SUCLG2: variants seen among roughly 807,000 people sequenced by gnomAD.
SUCLG2 encodes succinate-CoA ligase GDP-forming subunit beta.
A neutral mutation model predicts 47.9 loss-of-function variants in SUCLG2; 42 were observed. The ratio of observed to expected loss-of-function variants is 0.88; its 90% CI spans 0.69 to 1.14. The LOEUF (loss-of-function observed/expected upper bound fraction) is 1.14, where lower values mean the gene tolerates loss of function less well. SUCLG2 is among the 50% of genes most tolerant of loss of function. SUCLG2 has a pLI of 0.00. For missense variants in SUCLG2, 571 were observed against 525.9 expected (o/e 1.09, Z -0.84); for synonymous variants, 195 against 197.3 (o/e 0.99, Z 0.10).
Position 67,512,534 on chromosome 3 carries a change from G to C in SUCLG2, c.661-3631C>G, listed in dbSNP as rs979091140. Among the ~76,000 whole-genome samples the C allele has an allele frequency of 9.4e-5, 14 of 149,704 alleles. 1 individual carries two copies. The highest frequency in any genetic ancestry group is 3.3e-4 in the African/African-American group (13 of 39,690). ...TAAAGATTAATTCAGTTCTAAGTGG[G>C]GACTACATAATAGAAATAACTTCTG... On this transcript the variant is annotated intron_variant, in intron 6 of 10. Transcript: ENST00000307227.
intron 4 of SUCLG2, among the ~76,000 whole-genome samples, chr3:67,520,918 G>A (rs61586430): frequency 0.034 from 5,196 of 152,164 alleles, 288 homozygotes; most frequent in African/African-American, 0.11. Flanking sequence ...TCAAGAAACT[G>A]TGTCACTTAA....
chr3:67,521,899 G>T (rs1706119418), intron 4 of SUCLG2, among the ~76,000 whole-genome samples: 1 of 151,966 alleles, frequency 6.6e-6, no homozygotes, highest in African/African-American at 2.4e-5. Context: ...GATTACAGAG[G>T]TAAGCCACCA....
intron 9 of SUCLG2, among the ~76,000 whole-genome samples, chr3:67,401,375 A>T (rs1438112293): frequency 6.6e-6 from 1 of 152,164 alleles, no homozygotes; most frequent in Non-Finnish European, 1.5e-5. Flanking sequence ...CTCAAAAATC[A>T]GAGATAGTTT....
intron 9 of SUCLG2, among the ~76,000 whole-genome samples, chr3:67,439,048 T>C (rs780301927): frequency 6.6e-6 from 1 of 152,192 alleles, no homozygotes; most frequent in Non-Finnish European, 1.5e-5. Flanking sequence ...CACGATCAAG[T>C]AGGATTCAAC....
intron 9 of SUCLG2, among the ~76,000 whole-genome samples, chr3:67,437,702 A>G (rs1703657843): frequency 6.6e-6 from 1 of 152,084 alleles, no homozygotes; most frequent in African/African-American, 2.4e-5. Flanking sequence ...ATATGGATTT[A>G]GGTGGGGAGA....
intron 9 of SUCLG2, among the ~76,000 whole-genome samples, chr3:67,463,131 A>C (rs1441585530): frequency 6.6e-6 from 1 of 152,240 alleles, no homozygotes; most frequent in African/African-American, 2.4e-5. Context: ...GCTTTAATTA[A>C]AGAAAAATAG....
chr3:67,443,735 C>T (rs1209525931), intron 9 of SUCLG2, among the ~76,000 whole-genome samples: 6 of 92,106 alleles, frequency 6.5e-5, no homozygotes, highest in South Asian at 1.0e-3. Context: ...CGCCTCTGCC[C>T]GGCCGAGACC....
At chr3:67,557,026 C>T (rs1707180170) in intron 2 of SUCLG2, among the ~76,000 whole-genome samples, 1 of 152,200 alleles carries the variant, frequency 6.6e-6, no homozygotes, top group Non-Finnish European at 1.5e-5. Context: ...CTACCATGCA[C>T]AAGACCACCT....
chr3:67,510,186 G>A (rs973798060), intron 6 of SUCLG2, among the ~76,000 whole-genome samples: 6 of 152,238 alleles, frequency 3.9e-5, no homozygotes, highest in Admixed American at 1.3e-4. Flanking sequence ...CTCTTGCAGC[G>A]CCTATGAAAC....
At chr3:67,556,368 C>T (rs1157561607) in intron 2 of SUCLG2, among the ~76,000 whole-genome samples, 3 of 152,086 alleles carry the variant, frequency 2.0e-5, no homozygotes, top group Non-Finnish European at 4.4e-5. Flanking sequence ...TACATACCCA[C>T]AATGTTTAGC....
intron 2 of SUCLG2, among the ~76,000 whole-genome samples, chr3:67,585,935 C>G (rs1276283440): frequency 7.1e-6 from 1 of 140,994 alleles, no homozygotes; most frequent in African/African-American, 2.7e-5. Context: ...CCACTGCACT[C>G]CAGCCTGGGC....
intron 9 of SUCLG2, among the ~76,000 whole-genome samples, chr3:67,480,137 G>A (rs905772868): frequency 1.9e-4 from 13 of 69,284 alleles, no homozygotes; most frequent in African/African-American, 6.2e-4. Flanking sequence ...GCATATTCTC[G>A]GTTTGGTTAA....
In SUCLG2 at chr3:67,648,800, T is replaced by C. The variant is rs550538535; in HGVS notation, c.84+5703A>G. Among the ~76,000 whole-genome samples, 54 of 152,252 alleles carry C rather than the reference T, an allele frequency of 3.5e-4. 1 individual carries two copies. The highest frequency in any genetic ancestry group is 3.4e-3 in the Middle Eastern group (1 of 294). The stretch of plus-strand genomic sequence containing the variant: ...ATGAGCCACATCATCCCTCAACTTC[T>C]CCTGTTCCTTACCTCCCTCTCCCTT... On this transcript the variant is annotated intron_variant, in intron 1 of 10. Transcript: ENST00000307227.
At chr3:67,451,286 A>C (rs780840033) in intron 9 of SUCLG2, among the ~76,000 whole-genome samples, 1 of 152,258 alleles carries the variant, frequency 6.6e-6, no homozygotes, top group Non-Finnish European at 1.5e-5. Flanking sequence ...CTCCTCCATG[A>C]GACATGCTCA....
chr3:67,418,931 G>A (rs113460733), intron 9 of SUCLG2, among the ~76,000 whole-genome samples: 4 of 152,080 alleles, frequency 2.6e-5, no homozygotes, highest in African/African-American at 7.2e-5. Context: ...TATAAGAAAT[G>A]CATTCAGTGA....
chr3:67,483,053 A>G (rs2107021448), intron 9 of SUCLG2, among the ~76,000 whole-genome samples: 1 of 152,284 alleles, frequency 6.6e-6, no homozygotes, highest in South Asian at 2.1e-4. Context: ...GAATGCTAAT[A>G]TGTGTGTTTG....
At chr3:67,520,108 G>C (rs1295036584) in intron 5 of SUCLG2, among the ~76,000 whole-genome samples, 1 of 152,106 alleles carries the variant, frequency 6.6e-6, no homozygotes, top group East Asian at 1.9e-4. Context: ...TCATCTCCTA[G>C]GAGAGAATTT....
intron 9 of SUCLG2, among the ~76,000 whole-genome samples, chr3:67,491,851 A>G (rs1327306524): frequency 6.6e-6 from 1 of 152,220 alleles, no homozygotes; most frequent in Middle Eastern, 3.2e-3. Context: ...GTGTGTCTCA[A>G]TATGTGTAAT....
At chr3:67,511,396 G>A (rs1271246411) in intron 6 of SUCLG2, among the ~76,000 whole-genome samples, 2 of 152,144 alleles carry the variant, frequency 1.3e-5, no homozygotes, top group African/African-American at 4.8e-5. Flanking sequence ...GTTGCAGGAG[G>A]GACCCAGTGG....
Sources: allele counts gnomAD v4.1 joint callset (sites outside exome capture counted in the v4.1 genomes callset), GRCh38; gene constraint gnomAD v4.1.1; transcripts MANE v1.5; gene names NCBI Gene and HGNC (gene_info 2026-07-23, HGNC 2026-07-21).